The following MCU variants were observed in gnomAD, a reference collection of about 807,000 sequenced individuals.
The protein encoded by MCU is calcium uniporter protein, mitochondrial.
Under a neutral mutation model 45.2 loss-of-function variants are expected in MCU, and 12 were observed. The ratio of observed to expected loss-of-function variants is 0.27; its 90% CI spans 0.17 to 0.43. The LOEUF (loss-of-function observed/expected upper bound fraction) is 0.43. MCU is among the 20% of genes least tolerant of loss of function. The pLI is 1.00. For missense variants in MCU, 324 were observed against 436.7 expected (o/e 0.74, Z 2.30); for synonymous variants, 160 against 165.1 (o/e 0.97, Z 0.24).
intron 1 of MCU, among the ~76,000 whole-genome samples, chr10:72,802,628 A>T (rs1162865164): frequency 6.6e-6 from 1 of 152,210 alleles, no homozygotes; most frequent in Admixed American, 6.5e-5. Context: ...GCCTTGCTGA[A>T]ATATATTCAG....
Position 72,838,993 on chromosome 10 carries a change from AT to A in MCU, c.220+4579del, listed in dbSNP as rs1363892026. ...GTACATCTGTCACAACAAATCATCT[AT>A]TTTTTTTTTTTTTGAGACGGAGTCC... On this transcript the variant is annotated intron_variant, in intron 2 of 7. Coordinates refer to ENST00000373053, the MANE Select transcript of MCU (RefSeq NM_138357.3). 5.5e-3 allele frequency among the ~76,000 whole-genome samples: 775 copies of A among 140,856 alleles called. 5 individuals carry two copies. The highest frequency in any genetic ancestry group is 0.016 in the African/African-American group (607 of 38,748). 92.4% of individuals were successfully genotyped at this position (140,856 alleles called of 152,430 possible).
intron 1 of MCU, among the ~76,000 whole-genome samples, chr10:72,733,577 T>C (rs538539197): frequency 1.3e-5 from 2 of 152,152 alleles, no homozygotes; most frequent in South Asian, 4.2e-4. Flanking sequence ...GGAAATCTTG[T>C]AAGGTTGTTG....
At chr10:72,726,611 T>C (rs546655627) in intron 1 of MCU, among the ~76,000 whole-genome samples, 3 of 152,266 alleles carry the variant, frequency 2.0e-5, no homozygotes, top group South Asian at 4.1e-4. Flanking sequence ...TCAAAGTATA[T>C]GTACATATGA....
chr10:72,733,992 A>G (rs545693330), intron 1 of MCU, among the ~76,000 whole-genome samples: 1 of 151,796 alleles, frequency 6.6e-6, no homozygotes, highest in African/African-American at 2.4e-5. Flanking sequence ...TCCAAGAAGG[A>G]AAGAAAAACT....
At chr10:72,743,924 ACT>A (rs1436611486) in intron 1 of MCU, among the ~76,000 whole-genome samples, 2 of 151,924 alleles carry the variant, frequency 1.3e-5, no homozygotes, top group African/African-American at 4.8e-5. Context: ...GTATAACTAA[ACT>A]CTGCCCCTCT....
At chr10:72,865,744 G>T (rs1215074237) in intron 4 of MCU, among the ~76,000 whole-genome samples, 2 of 145,694 alleles carry the variant, frequency 1.4e-5, no homozygotes, top group African/African-American at 5.0e-5. Context: ...TCCCTATGTT[G>T]CCCAGGCTGT....
At chr10:72,769,634 C>A (rs981898932) in intron 1 of MCU, among the ~76,000 whole-genome samples, 4 of 152,114 alleles carry the variant, frequency 2.6e-5, no homozygotes, top group African/African-American at 9.7e-5. Context: ...ACAAACCATA[C>A]AATTCACCCA....
chr10:72,772,175 G>A (rs932935512), intron 1 of MCU, among the ~76,000 whole-genome samples: 2 of 152,346 alleles, frequency 1.3e-5, no homozygotes, highest in South Asian at 4.1e-4. Flanking sequence ...CTGTTACTCA[G>A]TCAAAGGAAA....
intron 1 of MCU, among the ~76,000 whole-genome samples, chr10:72,749,958 T>C (rs1345262221): frequency 4.6e-5 from 7 of 151,596 alleles, no homozygotes; most frequent in Non-Finnish European, 1.0e-4. Context: ...TTTTTTTTTT[T>C]CAGTAGAGGC....
At chr10:72,880,488 G>GA (rs367883010) in intron 6 of MCU, among the ~76,000 whole-genome samples, 5 of 147,818 alleles carry the variant, frequency 3.4e-5, no homozygotes, top group Non-Finnish European at 7.4e-5. Context: ...CGGGGGGGGG[G>GA]AAACCCTAGA....
At chr10:72,760,045 TA>T (rs1468883332) in intron 1 of MCU, among the ~76,000 whole-genome samples, 4 of 87,934 alleles carry the variant, frequency 4.5e-5, no homozygotes, top group South Asian at 3.2e-4. Context: ...TGTAAAACTT[TA>T]AATTTTTTTT....
chr10:72,854,308 T>C (rs1845254508), intron 2 of MCU, among the ~76,000 whole-genome samples: 1 of 151,734 alleles, frequency 6.6e-6, no homozygotes, highest in South Asian at 2.1e-4. Flanking sequence ...AAAGTAAAAG[T>C]TTTAAAAAGG....
Position 72,737,944 on chromosome 10 carries a change from C to G in MCU, c.150+45643C>G, listed in dbSNP as rs576411287. On this transcript the variant is annotated intron_variant, in intron 1 of 7. Coordinates refer to ENST00000373053, the MANE Select transcript of MCU (RefSeq NM_138357.3). The stretch of plus-strand genomic sequence containing the variant: ...CGTATTCTTTCTGCTTTTAAGTTGG[C>G]ATGGGAGCAGGGATGAGCAGTGGTA... 3.9e-5 allele frequency among the ~76,000 whole-genome samples: 6 copies of G among 152,228 alleles called. No individual in the cohort carries two copies. In the South Asian group the frequency reaches 1.0e-3, roughly 26 times the overall value.
At chr10:72,841,380 C>T (rs1449277620) in intron 2 of MCU, among the ~76,000 whole-genome samples, 1 of 152,130 alleles carries the variant, frequency 6.6e-6, no homozygotes, top group East Asian at 1.9e-4. Flanking sequence ...TCACTGCAAC[C>T]TCCTTCTCCC....
intron 2 of MCU, 32 bp from the exon 3 acceptor site, chr10:72,859,145 T>C (rs1208356445): frequency 1.3e-6 from 2 of 1,526,334 alleles, no homozygotes. Flanking sequence ...TGAAATCCAA[T>C]TATCATATGT....
chr10:72,843,352 T>C (rs187501745), intron 2 of MCU, among the ~76,000 whole-genome samples: 1 of 152,364 alleles, frequency 6.6e-6, no homozygotes, highest in Non-Finnish European at 1.5e-5. Context: ...ACTAATCTTT[T>C]ATTATCTCCA....
intron 1 of MCU, among the ~76,000 whole-genome samples, chr10:72,778,426 G>A (rs990998268): frequency 3.3e-5 from 5 of 152,058 alleles, no homozygotes; most frequent in East Asian, 1.9e-4. Flanking sequence ...AACCAAGCCC[G>A]GATAGAAATA....
At chr10:72,759,193 C>T (rs940904320) in intron 1 of MCU, among the ~76,000 whole-genome samples, 9 of 152,044 alleles carry the variant, frequency 5.9e-5, no homozygotes, top group South Asian at 2.1e-4. Flanking sequence ...AGAGCCTAGC[C>T]CCCGAGTGAG....
intron 1 of MCU, among the ~76,000 whole-genome samples, chr10:72,773,976 A>T (rs751268063): frequency 1.3e-5 from 2 of 152,250 alleles, no homozygotes; most frequent in Non-Finnish European, 2.9e-5. Context: ...TGCTAAAGGG[A>T]ATTCTTCAAT....
Sources: allele counts gnomAD v4.1 joint callset (sites outside exome capture counted in the v4.1 genomes callset), GRCh38; gene constraint gnomAD v4.1.1; transcripts MANE v1.5; gene names NCBI Gene and HGNC (gene_info 2026-07-23, HGNC 2026-07-21).